The following NFIB variants were observed in gnomAD, a reference collection of about 807,000 sequenced individuals.
NFIB encodes the protein nuclear factor 1 B-type.
NFIB carries 11 observed loss-of-function variants against 61.5 expected under a neutral mutation model. That is an observed-to-expected ratio of 0.18 (90% CI 0.11 to 0.30). The LOEUF (loss-of-function observed/expected upper bound fraction) is 0.30, where lower values mean the gene tolerates loss of function less well. NFIB is among the 10% of genes least tolerant of loss of function. NFIB has a pLI of 1.00. For synonymous variants in NFIB, 260 were observed against 216.5 expected (o/e 1.20, Z -1.76); for missense variants, 471 against 608.9 (o/e 0.77, Z 2.38).
chr9:14,122,941 C>T (rs2039125969), intron 7 of NFIB, among the ~76,000 whole-genome samples: 1 of 152,026 alleles, frequency 6.6e-6, no homozygotes, highest in Non-Finnish European at 1.5e-5. Flanking sequence ...AAAAGCCATT[C>T]TAGTCCTTTA....
At chr9:14,288,281 C>G (rs1285755817) in intron 2 of NFIB, among the ~76,000 whole-genome samples, 1 of 151,966 alleles carries the variant, frequency 6.6e-6, no homozygotes, top group Non-Finnish European at 1.5e-5. Context: ...ACACTGAAAT[C>G]TAAGAGCTAA....
intron 10 of NFIB, chr9:14,102,636 A>AC: frequency 7.9e-6 from 5 of 631,120 alleles, no homozygotes; most frequent in Non-Finnish European, 1.2e-5. Flanking sequence ...GGCAACTTAA[A>AC]GAAAAAAAAA....
chr9:14,515,682 C>G, the NFIB span, among the ~76,000 whole-genome samples: 2 of 152,138 alleles, frequency 1.3e-5, no homozygotes, highest in South Asian at 4.1e-4. Flanking sequence ...TAGAACCCAG[C>G]TTTTGTCAAA....
chr9:14,523,234 TG>T, the NFIB span, among the ~76,000 whole-genome samples: 1 of 152,126 alleles, frequency 6.6e-6, no homozygotes, highest in Non-Finnish European at 1.5e-5. Context: ...TGAGCACACT[TG>T]GTGTTGGCTC....
rs545270920 is a variant in NFIB, at chr9:14,150,148, C to T, written c.803G>A (p.Ser268Asn). 2 of 1,613,240 alleles carry T rather than the reference C, an allele frequency of 1.2e-6. No homozygotes were observed. Among genetic ancestry groups the T allele is most frequent in the East Asian group, 2.2e-5 (1 of 44,856 alleles). ...TGAGCAGCCCTTCTTTCAGTACCTG[C>T]TTGGTGGAGAAGACAGAGACCTCTG... is the stretch of plus-strand genomic sequence containing the variant. ...NLQRSLSSPP[S>N]SKRPKTISID... Residue 268 changes from serine to asparagine, a missense_variant, in exon 5 of 11, where the codon AGC becomes AAC. By Grantham distance (46) the Ser-to-Asn change is conservative. Coordinates refer to ENST00000380953, the MANE Select transcript of NFIB (RefSeq NM_001190737.2).
chr9:14,315,267 G>C (rs566130171), upstream of NFIB, among the ~76,000 whole-genome samples: 52 of 151,592 alleles, frequency 3.4e-4, 1 homozygote, highest in Middle Eastern at 3.4e-3. Context: ...AGGCAGTCGC[G>C]GCGCGCGGCG....
intron 1 of NFIB, among the ~76,000 whole-genome samples, chr9:14,309,707 A>G (rs1275474526): frequency 1.3e-5 from 2 of 152,246 alleles, no homozygotes; most frequent in Non-Finnish European, 2.9e-5. Context: ...TGTAACTACA[A>G]AAACTTTGTT....
At chr9:14,402,890 G>A (rs2061756057), upstream of NFIB, among the ~76,000 whole-genome samples, 1 of 152,108 alleles carries the variant, frequency 6.6e-6, no homozygotes, top group Non-Finnish European at 1.5e-5. Context: ...AAAGCAATTA[G>A]CTTGTCTTTC....
At chr9:14,292,028 G>GA (rs1458610910) in intron 2 of NFIB, among the ~76,000 whole-genome samples, 1 of 151,996 alleles carries the variant, frequency 6.6e-6, no homozygotes, top group Non-Finnish European at 1.5e-5. Context: ...ATGTATAAAA[G>GA]AAAAAACCTA....
chr9:14,467,208 T>C, the NFIB span, among the ~76,000 whole-genome samples: 2 of 152,158 alleles, frequency 1.3e-5, no homozygotes, highest in African/African-American at 2.4e-5. Context: ...CCACAGGCTG[T>C]CCTGATGTGA....
At chr9:14,140,640 G>A (rs747243441) in intron 6 of NFIB, among the ~76,000 whole-genome samples, 1 of 152,130 alleles carries the variant, frequency 6.6e-6, no homozygotes, top group African/African-American at 2.4e-5. Flanking sequence ...CTCACATTAG[G>A]AAATGCTGGG....
At chr9:14,150,795 G>A (rs2042783527) in intron 4 of NFIB, among the ~76,000 whole-genome samples, 2 of 151,968 alleles carry the variant, frequency 1.3e-5, no homozygotes, top group Non-Finnish European at 1.5e-5. Flanking sequence ...AAATATTAAT[G>A]TTGATATTAA....
the NFIB span, among the ~76,000 whole-genome samples, chr9:14,442,027 C>T: frequency 1.3e-5 from 2 of 152,292 alleles, no homozygotes; most frequent in East Asian, 3.9e-4. Context: ...TAGGTCATTT[C>T]ATCCTCAGGA....
chr9:14,503,875 C>A, the NFIB span, among the ~76,000 whole-genome samples: 2 of 152,208 alleles, frequency 1.3e-5, no homozygotes, highest in East Asian at 3.9e-4. Flanking sequence ...CTTTTGGGTT[C>A]TTGGTCATGA....
chr9:14,169,558 C>T (rs12376024), intron 3 of NFIB, among the ~76,000 whole-genome samples: 14,870 of 152,140 alleles, frequency 0.098, 1,037 homozygotes, highest in East Asian at 0.34. Flanking sequence ...TGGTGGTTCA[C>T]GCCTGTAATC....
chr9:14,267,319 T>C (rs191858201), intron 2 of NFIB, among the ~76,000 whole-genome samples: 1 of 152,182 alleles, frequency 6.6e-6, no homozygotes, highest in Non-Finnish European at 1.5e-5. Context: ...TCCACAAAAG[T>C]AGTCTATAGA....
intron 2 of NFIB, among the ~76,000 whole-genome samples, chr9:14,193,237 T>A (rs1231679342): frequency 6.6e-6 from 1 of 151,960 alleles, no homozygotes; most frequent in South Asian, 2.1e-4. Context: ...CTTTTTATCA[T>A]CTCCTAGTCT....
intron 3 of NFIB, 127 bp from the exon 4 acceptor site, chr9:14,156,020 A>C (rs1463959598): frequency 2.0e-6 from 1 of 492,772 alleles, no homozygotes; most frequent in Non-Finnish European, 3.5e-6. Flanking sequence ...TACAATAAGG[A>C]CTTTAAAAAA....
At chr9:14,131,375 G>A (rs2040385964) in intron 6 of NFIB, among the ~76,000 whole-genome samples, 1 of 152,126 alleles carries the variant, frequency 6.6e-6, no homozygotes, top group South Asian at 2.1e-4. Context: ...TTTTGGCACT[G>A]TAACATATAT....
Sources: gnomAD v4.1 joint callset for allele counts (sites outside exome capture counted in the v4.1 genomes callset) on GRCh38, gnomAD v4.1.1 for gene constraint, MANE v1.5 for transcripts, NCBI Gene and HGNC (gene_info 2026-07-23, HGNC 2026-07-21) for gene names.